The following PHF5A variants were observed in gnomAD, a reference collection of about 807,000 sequenced individuals.
PHF5A encodes PHD finger protein 5A.
For synonymous variants in PHF5A, 52 were observed against 46.0 expected (o/e 1.13, Z -0.52); for missense variants, 24 against 140.6 (o/e 0.17, Z 4.19).
chr22:41,467,796 C>T, intron 2 of PHF5A, among the ~76,000 whole-genome samples, 182 bp from the exon 3 acceptor site: 1 of 152,200 alleles, frequency 6.6e-6, no homozygotes. Context: ...CCCCTCAACA[C>T]ATACAAAAGT....
At chr22:41,460,797 A>T (rs2037821501) in intron 3 of PHF5A, among the ~76,000 whole-genome samples, 1 of 152,080 alleles carries the variant, frequency 6.6e-6, no homozygotes, top group Admixed American at 6.6e-5. Context: ...TGGGTTTGTA[A>T]ATGTGTCCAA....
chr22:41,461,240 A>G (rs1457135169), intron 3 of PHF5A, among the ~76,000 whole-genome samples: 1 of 152,154 alleles, frequency 6.6e-6, no homozygotes, highest in Non-Finnish European at 1.5e-5. Context: ...CTTACCAATT[A>G]TCCTATTTGA....
chr22:41,468,206 A>T, intron 1 of PHF5A, 59 bp from the exon 2 acceptor site: 1 of 1,577,606 alleles, frequency 6.3e-7, no homozygotes, highest in East Asian at 2.2e-5. Flanking sequence ...GAAAGAGGAG[A>T]AGTACATCCT....
intron 3 of PHF5A, 73 bp downstream of exon 3, chr22:41,467,375 A>T: frequency 7.2e-7 from 1 of 1,389,892 alleles, no homozygotes; most frequent in East Asian, 2.3e-5. Flanking sequence ...CATAGACCAT[A>T]GGAGATTGCA....
At position 41,468,177 on chromosome 22, in the gene PHF5A, A is replaced by G. The variant is rs534183600; in HGVS notation, c.53-30T>C. On this transcript the variant is annotated intron_variant, in intron 1 of 3. Transcript: ENST00000216252. ...AAGATGAAAGATGGTAAAAAGTACAATTAGAATAAAGGTTTTGAGAAAGAG... is the reference window on the plus strand; with the variant it reads ...AAGATGAAAGATGGTAAAAAGTACAGTTAGAATAAAGGTTTTGAGAAAGAG... 7.4e-6 allele frequency: 12 copies of G among 1,613,040 alleles called. No homozygotes were observed. The South Asian group carries it at 1.1e-4, about 15-fold the overall frequency.
At chr22:41,463,619 G>C (rs2037843175) in intron 3 of PHF5A, among the ~76,000 whole-genome samples, 1 of 10,314 alleles carries the variant, frequency 9.7e-5, no homozygotes. Flanking sequence ...CAGCTACTCA[G>C]GGGGCTGAGA....
rs577362560 is a variant in PHF5A at position 41,460,287 on chromosome 22, G to A, written c.*111C>T. ...TGGCAAGCTGCCAGTACACTAGCAG[G>A]CACTCCTGGTGATGCTCTGGGCTCT... On this transcript the variant is annotated 3_prime_UTR_variant, in exon 4 of 4. Coordinates refer to ENST00000216252, the MANE Select transcript of PHF5A (RefSeq NM_032758.4). The A allele has an allele frequency of 2.2e-5, 18 of 806,810 alleles. No homozygotes were observed. The highest frequency in any genetic ancestry group is 3.5e-5 in the Non-Finnish European group (18 of 509,008). The allele number at this position is 806,810 out of a possible 1,614,324, so 50.0% of individuals were successfully genotyped here.
chr22:41,461,559 T>C (rs1440394093), intron 3 of PHF5A, among the ~76,000 whole-genome samples: 3 of 152,078 alleles, frequency 2.0e-5, no homozygotes, highest in Admixed American at 6.6e-5. Context: ...GGTTTCACCA[T>C]GCTGCTCAGG....
chr22:41,467,389 G>A, intron 3 of PHF5A, 59 bp downstream of exon 3: 1 of 1,536,638 alleles, frequency 6.5e-7, no homozygotes, highest in Non-Finnish European at 9.0e-7. Flanking sequence ...GATTGCAGTG[G>A]ATGGCAAAGT....
At chr22:41,463,313 G>A (rs1325790834) in intron 3 of PHF5A, among the ~76,000 whole-genome samples, 3 of 152,060 alleles carry the variant, frequency 2.0e-5, no homozygotes, top group Non-Finnish European at 2.9e-5. Flanking sequence ...GAGTCACGAC[G>A]GGCGTGGTGG....
intron 2 of PHF5A, 76 bp downstream of exon 2, chr22:41,468,048 T>A: frequency 6.6e-7 from 1 of 1,521,002 alleles, no homozygotes. Flanking sequence ...AAAGCCCTCT[T>A]TGTGGCACTT....
chr22:41,467,158 G>A (rs1218747595), intron 3 of PHF5A, among the ~76,000 whole-genome samples: 3 of 151,778 alleles, frequency 2.0e-5, no homozygotes, highest in Non-Finnish European at 4.4e-5. Flanking sequence ...GGGCCACCAC[G>A]CCCAGCCGGA....
chr22:41,467,383 G>A, intron 3 of PHF5A, 65 bp downstream of exon 3: 1 of 1,466,250 alleles, frequency 6.8e-7, no homozygotes, highest in Non-Finnish European at 9.5e-7. Context: ...ATAGGAGATT[G>A]CAGTGGATGG....
At chr22:41,466,178 G>GT (rs556566805) in intron 3 of PHF5A, among the ~76,000 whole-genome samples, 9 of 152,078 alleles carry the variant, frequency 5.9e-5, no homozygotes, top group Admixed American at 1.3e-4. Flanking sequence ...ACTTCCTTTT[G>GT]TTTTTTGAAG....
intron 3 of PHF5A, among the ~76,000 whole-genome samples, chr22:41,465,750 T>C (rs1027868691): frequency 6.6e-6 from 1 of 151,930 alleles, no homozygotes; most frequent in Non-Finnish European, 1.5e-5. Flanking sequence ...CATAGTGGCA[T>C]GCACCTGTAG....
At chr22:41,463,020 C>T (rs1430420811) in intron 3 of PHF5A, among the ~76,000 whole-genome samples, 2 of 151,714 alleles carry the variant, frequency 1.3e-5, no homozygotes, top group Non-Finnish European at 2.9e-5. Flanking sequence ...ATTACAGGCA[C>T]CCACCACCGC....
At position 41,461,018 on chromosome 22, in the gene PHF5A, C is replaced by T. The variant is rs556451232; in HGVS notation, c.244-531G>A. On this transcript the variant is annotated intron_variant, in intron 3 of 3. Coordinates refer to ENST00000216252, the MANE Select transcript of PHF5A (RefSeq NM_032758.4). Reference sequence around the variant, plus strand: ...TAAAACCCCGTCTCTACTAAAAATACAAAAATTAGCCAGACGTGGTGGTGC... The same window carrying T: ...TAAAACCCCGTCTCTACTAAAAATATAAAAATTAGCCAGACGTGGTGGTGC... 8.6e-5 allele frequency among the ~76,000 whole-genome samples: 13 copies of T among 152,022 alleles called. No homozygotes were observed. The South Asian group carries it at 2.5e-3, about 29-fold the overall frequency.
chr22:41,463,062 T>A (rs1053041576), intron 3 of PHF5A, among the ~76,000 whole-genome samples: 7 of 151,626 alleles, frequency 4.6e-5, no homozygotes, highest in African/African-American at 7.3e-5. Context: ...TTAGTAGAGA[T>A]GGGGTTTCAC....
chr22:41,462,169 T>C (rs1249922575), intron 3 of PHF5A, among the ~76,000 whole-genome samples: 3 of 152,180 alleles, frequency 2.0e-5, no homozygotes, highest in Non-Finnish European at 4.4e-5. Context: ...AGCTGTGTTA[T>C]ATAGAAATGA....
Sources: allele counts gnomAD v4.1 joint callset (sites outside exome capture counted in the v4.1 genomes callset), GRCh38; gene constraint gnomAD v4.1.1; transcripts MANE v1.5; gene names NCBI Gene and HGNC (gene_info 2026-07-23, HGNC 2026-07-21).